Variants in FCGR2B observed in about 807,000 individuals in gnomAD.
The protein encoded by FCGR2B is Fc gamma receptor IIb.
Under a neutral mutation model 24.8 loss-of-function variants are expected in FCGR2B, and 18 were observed. That is an observed-to-expected ratio of 0.73 (90% CI 0.50 to 1.08). The LOEUF (loss-of-function observed/expected upper bound fraction) is 1.08, where lower values mean the gene tolerates loss of function less well. Ranked by LOEUF, FCGR2B falls within the 50% of genes least tolerant of loss-of-function variation. The pLI is 0.00. For synonymous variants in FCGR2B, 79 were observed against 109.8 expected (o/e 0.72, Z 1.75); for missense variants, 215 against 297.6 (o/e 0.72, Z 2.04).
chr1:161,649,854 T>C, the FCGR2B span, among the ~76,000 whole-genome samples: 1 of 150,092 alleles, frequency 6.7e-6, no homozygotes, highest in African/African-American at 2.5e-5. Context: ...CTGCTAGTAA[T>C]TGGCAAGAGG....
rs1488362136 is a variant in FCGR2B at position 161,671,621 on chromosome 1, C to A, written c.363C>A (p.Ser121Arg). The change falls in exon 3 of 8, where the codon AGC becomes AGA. Residue 121 changes from serine to arginine, a missense_variant. Ser to Arg is a moderately radical substitution (Grantham distance 110). This residue lies in a region of FCGR2B where 39 missense variants were observed against 73.3 expected (regional missense o/e 0.53). Transcript: ENST00000358671. ...YTCQTGQTSL[S>R]DPVHLTVLSE... ...GCCAGACTGGCCAGACCAGCCTCAG[C>A]GACCCTGTGCATCTGACTGTGCTTT... The A allele has an allele frequency of 5.0e-6, 8 of 1,613,860 alleles. No individual in the cohort carries two copies. The highest frequency in any genetic ancestry group is 6.8e-6 in the Non-Finnish European group (8 of 1,179,790).
chr1:161,676,862 C>T (rs1571034117), intron 6 of FCGR2B: 2 of 177,684 alleles, frequency 1.1e-5, no homozygotes, highest in African/African-American at 4.8e-5. Context: ...TTTTTAATGC[C>T]ATGGAGTACC....
chr1:161,671,896 T>C, intron 3 of FCGR2B: 1 of 679,470 alleles, frequency 1.5e-6, no homozygotes, highest in South Asian at 2.0e-5. Context: ...AAAACCCATT[T>C]CCATTTTAAT....
chr1:161,664,130 CTAGGGGAGGCCAAG>C (rs2102647108), intron 1 of FCGR2B, among the ~76,000 whole-genome samples: 1 of 103,502 alleles, frequency 9.7e-6, no homozygotes. Context: ...TTTGAAAAGC[CTAGGGGAGGCCAAG>C]TAGGGGAGAC....
intron 7 of FCGR2B, 25 bp downstream of exon 7, chr1:161,677,390 C>A (rs774618447): frequency 1.2e-6 from 2 of 1,612,704 alleles, no homozygotes; most frequent in African/African-American, 1.3e-5. Context: ...CCATCTCCCC[C>A]TCCCTTCTCC....
intron 3 of FCGR2B, chr1:161,672,360 G>A (rs1681737412): frequency 6.2e-6 from 1 of 161,392 alleles, no homozygotes; most frequent in South Asian, 1.7e-4. Context: ...CCCTTCACCT[G>A]AAGAGCAAAT....
At chr1:161,660,912 A>G (rs554125721), upstream of FCGR2B, among the ~76,000 whole-genome samples, 6 of 67,678 alleles carry the variant, frequency 8.9e-5, no homozygotes, top group Admixed American at 1.0e-3. Context: ...AAAAAAAAAA[A>G]GAAAGAAAGA....
Position 161,671,397 on chromosome 1 carries a change from C to G in FCGR2B, c.139C>G (p.Pro47Ala). The change falls in exon 3 of 8, where the codon CCC becomes GCC. Residue 47 changes from proline to alanine, a missense_variant. By Grantham distance (27) the Pro-to-Ala change is conservative. Transcript: ENST00000358671. ...LAPVAGTPAAPPKAVLKLEPQ... is the reference protein window; with the variant it reads ...LAPVAGTPAAAPKAVLKLEPQ... The stretch of plus-strand genomic sequence containing the variant: ...CTCCTCTCTCTGCCCCTCAGCAGCT[C>G]CCCCAAAGGCTGTGCTGAAACTCGA... 6.2e-7 allele frequency: 1 copy of G among 1,614,148 alleles called. No homozygotes were observed. The highest frequency in any genetic ancestry group is 1.1e-5 in the South Asian group (1 of 91,084).
chr1:161,675,748 G>C (rs763156640), intron 6 of FCGR2B: 16 of 236,294 alleles, frequency 6.8e-5, no homozygotes, highest in Non-Finnish European at 1.2e-4. Context: ...ATTTGCTGAG[G>C]AATCTGCCTC....
the FCGR2B span, among the ~76,000 whole-genome samples, chr1:161,653,233 G>A: frequency 2.3e-5 from 3 of 132,514 alleles, 1 homozygote; most frequent in African/African-American, 7.8e-5. Context: ...GTGAAATCCA[G>A]TGTCTACTAA....
rs1309414900 is a variant in FCGR2B, at chr1:161,675,246, G to C, written c.761-11G>C. On this transcript the variant is annotated splice_polypyrimidine_tract_variant and intron_variant, in intron 5 of 7. Transcript: ENST00000358671. Reference sequence around the variant, plus strand: ...GCCTAATCCTACTAACCTCCTGTGTGCCCCTCCCAGCTCTCCCAGGATACC... The same window carrying C: ...GCCTAATCCTACTAACCTCCTGTGTCCCCCTCCCAGCTCTCCCAGGATACC... The C allele has an allele frequency of 2.5e-6, 4 of 1,603,380 alleles. No homozygotes were observed. The highest frequency in any genetic ancestry group is 3.4e-6 in the Non-Finnish European group (4 of 1,175,144).
At chr1:161,673,873 C>T (rs7552498) in intron 4 of FCGR2B, 87 bp from the exon 5 acceptor site, 118,380 of 408,720 alleles carry the variant, frequency 0.29, 15,618 homozygotes, top group Non-Finnish European at 0.33. Context: ...AGAAGAGCTT[C>T]GGGTGACAAG....
chr1:161,675,597 A>G (rs1682053723), intron 6 of FCGR2B: 1 of 346,760 alleles, frequency 2.9e-6, no homozygotes, highest in Non-Finnish European at 5.2e-6. Context: ...CCAGAGCAAG[A>G]AATCAGAGAT....
chr1:161,649,348 C>T, the FCGR2B span, among the ~76,000 whole-genome samples: 1 of 150,922 alleles, frequency 6.6e-6, no homozygotes, highest in Non-Finnish European at 1.5e-5. Flanking sequence ...TTACCTTTTA[C>T]CTCTTTAAAA....
At chr1:161,653,173 G>A in the FCGR2B span, among the ~76,000 whole-genome samples, 1 of 133,980 alleles carries the variant, frequency 7.5e-6, no homozygotes, top group Non-Finnish European at 1.7e-5. Context: ...GGAAGCTGAG[G>A]CAGGTGGATC....
At position 161,677,782 on chromosome 1, in the gene FCGR2B, C is replaced by A; in HGVS notation, c.*229C>A. On this transcript the variant is annotated 3_prime_UTR_variant, in exon 8 of 8. Coordinates refer to ENST00000358671, the MANE Select transcript of FCGR2B (RefSeq NM_001394477.1). ...TCTGTGCTTCAGCTCTTCTTGACATCAAGGCTCTTCCGTTCCACATCCACA... is the reference window on the plus strand; with the variant it reads ...TCTGTGCTTCAGCTCTTCTTGACATAAAGGCTCTTCCGTTCCACATCCACA... The A allele has an allele frequency of 5.8e-6, 3 of 519,894 alleles. No homozygotes were observed. The highest frequency in any genetic ancestry group is 1.0e-5 in the Non-Finnish European group (3 of 296,556). 32.2% of individuals were successfully genotyped at this position (519,894 alleles called of 1,614,324 possible).
intron 2 of FCGR2B, 51 bp from the exon 3 acceptor site, chr1:161,671,341 A>C: frequency 6.2e-7 from 1 of 1,613,676 alleles, no homozygotes; most frequent in South Asian, 1.1e-5. Flanking sequence ...AGGGCCTCTC[A>C]AGCTCCTGGG....
At chr1:161,671,856 GAGAGA>G in intron 3 of FCGR2B, 1 of 955,730 alleles carries the variant, frequency 1.0e-6, no homozygotes, top group Admixed American at 2.9e-5. Flanking sequence ...AGCCAAGTGT[GAGAGA>G]AGCAGAAGGA....
intron 2 of FCGR2B, among the ~76,000 whole-genome samples, chr1:161,670,935 A>G (rs924688241): frequency 1.3e-4 from 19 of 150,334 alleles, no homozygotes; most frequent in Non-Finnish European, 1.3e-4. Flanking sequence ...CATGCCTGCC[A>G]TCTCCACCAG....
Sources: allele counts gnomAD v4.1 joint callset (sites outside exome capture counted in the v4.1 genomes callset), GRCh38; gene constraint gnomAD v4.1.1; regional missense constraint gnomAD v4.1.1; transcripts MANE v1.5; gene names NCBI Gene and HGNC (gene_info 2026-07-23, HGNC 2026-07-21).